GPHN: variants seen among roughly 807,000 people sequenced by gnomAD.
GPHN encodes gephyrin.
Under a neutral mutation model 95.5 loss-of-function variants are expected in GPHN, and 17 were observed. The ratio of observed to expected loss-of-function variants is 0.18; its 90% CI spans 0.12 to 0.27. The LOEUF (loss-of-function observed/expected upper bound fraction) is 0.27, where lower values mean the gene tolerates loss of function less well. GPHN is among the 10% of genes least tolerant of loss of function. The pLI is 1.00. For synonymous variants in GPHN, 320 were observed against 322.5 expected (o/e 0.99, Z 0.08); for missense variants, 660 against 978.1 (o/e 0.67, Z 4.34).
At chr14:67,068,408 A>G (rs997838028) in intron 11 of GPHN, among the ~76,000 whole-genome samples, 5 of 152,218 alleles carry the variant, frequency 3.3e-5, no homozygotes, top group African/African-American at 9.6e-5. Context: ...TGGCATAACT[A>G]TGGATGATAA....
intron 1 of GPHN, among the ~76,000 whole-genome samples, chr14:66,651,337 C>G (rs1190192607): frequency 6.6e-6 from 1 of 152,114 alleles, no homozygotes; most frequent in Non-Finnish European, 1.5e-5. Context: ...CATTCAAAAC[C>G]AAACTGGAAT....
intron 2 of GPHN, among the ~76,000 whole-genome samples, chr14:66,693,982 A>C (rs1269745320): frequency 6.6e-6 from 1 of 152,190 alleles, no homozygotes; most frequent in Admixed American, 6.5e-5. Context: ...GGGGCAGTGT[A>C]GTATTGGCAA....
At chr14:67,025,312 A>C (rs761699048) in intron 10 of GPHN, among the ~76,000 whole-genome samples, 11 of 152,204 alleles carry the variant, frequency 7.2e-5, no homozygotes, top group Non-Finnish European at 1.6e-4. Flanking sequence ...TTCATAAGGA[A>C]AAACATAGAC....
intron 1 of GPHN, among the ~76,000 whole-genome samples, chr14:66,518,094 CAAATAAATAAATAAAT>C (rs144895971): frequency 1.4e-5 from 2 of 143,846 alleles, no homozygotes; most frequent in African/African-American, 5.2e-5. Flanking sequence ...TCTTAACAGC[CAAATAAATAAATAAAT>C]AAATAAATAA....
chr14:67,683,367 T>C, the GPHN span, among the ~76,000 whole-genome samples: 5 of 152,190 alleles, frequency 3.3e-5, no homozygotes, highest in African/African-American at 7.2e-5. Flanking sequence ...AAATCTATCT[T>C]CTTATACTTC....
In GPHN at chr14:67,070,694, CA is replaced by C. The variant is rs34577444; in HGVS notation, c.1144+11930del. Among the ~76,000 whole-genome samples the C allele has an allele frequency of 5.1e-3, 327 of 64,402 alleles. 5 individuals are homozygous for C. The highest frequency in any genetic ancestry group is 0.014 in the African/African-American group (98 of 7,082). The allele number at this position is 64,402 out of a possible 152,430, so 42.3% of individuals were successfully genotyped here. ...CTAGTGACAGAGTGAGACTTCATCT[CA>C]AAAAAAAAAAAAAAAAAAAAATATA... On this transcript the variant is annotated intron_variant, in intron 11 of 22. Transcript: ENST00000478722.
At chr14:67,512,666 TA>T in the GPHN span, among the ~76,000 whole-genome samples, 1 of 152,140 alleles carries the variant, frequency 6.6e-6, no homozygotes, top group Non-Finnish European at 1.5e-5. Flanking sequence ...TGCCTCACTC[TA>T]CTGCCCTTAC....
At chr14:67,042,994 T>G (rs1421061193) in intron 10 of GPHN, among the ~76,000 whole-genome samples, 1 of 152,208 alleles carries the variant, frequency 6.6e-6, no homozygotes, top group East Asian at 1.9e-4. Context: ...TTTGTAGCAG[T>G]TGTGAATGGG....
chr14:67,048,670 C>T (rs1348795723), intron 10 of GPHN, among the ~76,000 whole-genome samples: 5 of 152,172 alleles, frequency 3.3e-5, no homozygotes, highest in African/African-American at 1.2e-4. Context: ...TCCTAAAGAA[C>T]CTTGTAGTTT....
chr14:67,374,041 T>C, the GPHN span, among the ~76,000 whole-genome samples: 1 of 152,166 alleles, frequency 6.6e-6, no homozygotes, highest in Admixed American at 6.5e-5. Flanking sequence ...GGAATATATA[T>C]AATTACCTGA....
chr14:67,134,173 C>T (rs765967440), intron 17 of GPHN, among the ~76,000 whole-genome samples: 47 of 152,212 alleles, frequency 3.1e-4, no homozygotes, highest in Non-Finnish European at 4.3e-4. Context: ...TCTGCAACAA[C>T]TTAGCTGTTA....
At chr14:67,575,428 C>T in the GPHN span, 1 of 1,610,384 alleles carries the variant, frequency 6.2e-7, no homozygotes, top group South Asian at 1.1e-5. Context: ...CTGGTGCGCT[C>T]TTGTTGGGAA....
At chr14:66,665,544 A>C (rs2065902540) in intron 1 of GPHN, among the ~76,000 whole-genome samples, 1 of 152,206 alleles carries the variant, frequency 6.6e-6, no homozygotes, top group Non-Finnish European at 1.5e-5. Flanking sequence ...TCAAAACCAC[A>C]ATGAGATACC....
At chr14:67,339,278 T>C in the GPHN span, among the ~76,000 whole-genome samples, 1 of 152,202 alleles carries the variant, frequency 6.6e-6, no homozygotes, top group Non-Finnish European at 1.5e-5. Context: ...ATTACAGGCA[T>C]GAGCCACCGA....
the GPHN span, among the ~76,000 whole-genome samples, chr14:67,332,528 T>C: frequency 1.3e-5 from 2 of 152,162 alleles, no homozygotes; most frequent in Admixed American, 6.5e-5. Context: ...TAAGACAAAA[T>C]ATGTGAAAAC....
At chr14:66,802,320 C>A (rs2060385833) in intron 3 of GPHN, among the ~76,000 whole-genome samples, 2 of 152,136 alleles carry the variant, frequency 1.3e-5, no homozygotes, top group South Asian at 4.1e-4. Context: ...TTCTATCAGT[C>A]TGTGGTGAAT....
At chr14:66,569,104 C>T (rs1169624553) in intron 1 of GPHN, among the ~76,000 whole-genome samples, 1 of 151,992 alleles carries the variant, frequency 6.6e-6, no homozygotes, top group Non-Finnish European at 1.5e-5. Context: ...TGAGAGATTA[C>T]CTGTTTAAAT....
the GPHN span, among the ~76,000 whole-genome samples, chr14:67,643,425 G>A: frequency 6.6e-6 from 1 of 152,222 alleles, no homozygotes; most frequent in African/African-American, 2.4e-5. Flanking sequence ...AGTACTAGGA[G>A]TATTGAGCAC....
intron 1 of GPHN, among the ~76,000 whole-genome samples, chr14:66,565,677 A>G (rs1397971369): frequency 2.0e-5 from 3 of 152,226 alleles, no homozygotes; most frequent in Non-Finnish European, 4.4e-5. Context: ...AAAGGATTAT[A>G]TAAAGTGATA....
Sources: allele counts gnomAD v4.1 joint callset (sites outside exome capture counted in the v4.1 genomes callset), GRCh38; gene constraint gnomAD v4.1.1; transcripts MANE v1.5; gene names NCBI Gene and HGNC (gene_info 2026-07-23, HGNC 2026-07-21).